ANKDD1A: variants seen among roughly 807,000 people sequenced by gnomAD.
The protein encoded by ANKDD1A is ankyrin repeat and death domain-containing protein 1A.
Under a neutral mutation model 63.5 loss-of-function variants are expected in ANKDD1A, and 59 were observed. The observed-to-expected ratio is 0.93, with a 90% CI of 0.75 to 1.15. The LOEUF (loss-of-function observed/expected upper bound fraction) is 1.15. Ranked by LOEUF, ANKDD1A falls within the 50% of genes most tolerant of loss-of-function variation. ANKDD1A has a pLI of 0.00. For missense variants in ANKDD1A, 632 were observed against 656.4 expected (o/e 0.96, Z 0.41); for synonymous variants, 266 against 263.9 (o/e 1.01, Z -0.08).
At chr15:64,941,355 A>G (rs1046899776) in intron 9 of ANKDD1A, among the ~76,000 whole-genome samples, 6 of 152,026 alleles carry the variant, frequency 3.9e-5, no homozygotes, top group African/African-American at 1.5e-4. Context: ...TAAAGAATGG[A>G]GATTTATTTA....
chr15:64,931,906 T>G (rs899027901), intron 8 of ANKDD1A: 17 of 492,414 alleles, frequency 3.5e-5, no homozygotes, highest in Non-Finnish European at 5.8e-5. Flanking sequence ...TTTGTTTTAA[T>G]TTTTTTGAGA....
intron 14 of ANKDD1A, among the ~76,000 whole-genome samples, chr15:64,954,907 TGTCTCTTCTCTCTCCTTCTTCTC>T (rs1595861893): frequency 3.3e-5 from 4 of 122,440 alleles, no homozygotes; most frequent in Admixed American, 2.7e-4. Context: ...CTTCTTCTCT[TGTCTCTTCTCTCTCCTTCTTCTC>T]CTTCTTCTTG....
At chr15:64,955,578 GGAAAATATATCTGT>G (rs149354514) in intron 14 of ANKDD1A, among the ~76,000 whole-genome samples, 6 of 152,276 alleles carry the variant, frequency 3.9e-5, no homozygotes, top group African/African-American at 1.4e-4. Flanking sequence ...CCCAGAATGT[GGAAAATATATCTGT>G]GCAGGATAGA....
At chr15:64,945,874 T>G (rs200757149) in intron 12 of ANKDD1A, among the ~76,000 whole-genome samples, 3 of 151,636 alleles carry the variant, frequency 2.0e-5, no homozygotes, top group East Asian at 3.9e-4. Flanking sequence ...CCTTGTGATC[T>G]GCCCACCTCA....
chr15:64,947,662 A>G, intron 13 of ANKDD1A, 69 bp downstream of exon 13: 2 of 1,536,878 alleles, frequency 1.3e-6, no homozygotes, highest in Non-Finnish European at 8.8e-7. Context: ...AAATGTGTTC[A>G]GTTTTCTGTG....
chr15:64,916,239 G>A (rs934553673), intron 2 of ANKDD1A, among the ~76,000 whole-genome samples: 1 of 152,130 alleles, frequency 6.6e-6, no homozygotes, highest in Non-Finnish European at 1.5e-5. Context: ...CAAAAGAGGA[G>A]GACAGACATC....
chr15:64,949,960 AGGGACCT>A lies in ANKDD1A; in HGVS notation c.1474_1480del (p.Asp492LeufsTer21), dbSNP rs756819693. 1.4e-5 allele frequency: 22 copies of A among 1,609,656 alleles called. No individual in the cohort carries two copies. The highest frequency in any genetic ancestry group is 1.0e-4 in the Admixed American group (6 of 59,992). Reference sequence around the variant, plus strand: ...CGAGGGCCTCGTGGCCATTGGCAGGAGGGACCTGGCTGGTAAGAGCGTACTCTGCTGG... The same window carrying A: ...CGAGGGCCTCGTGGCCATTGGCAGGAGGCTGGTAAGAGCGTACTCTGCTGG... On this transcript the variant is annotated frameshift_variant, in exon 14 of 15. Coordinates refer to ENST00000319580, the MANE Select transcript of ANKDD1A (RefSeq NM_182703.6). LOFTEE classifies it high-confidence loss of function.
chr15:64,923,884 G>C (rs2085026373), intron 4 of ANKDD1A, among the ~76,000 whole-genome samples: 1 of 152,212 alleles, frequency 6.6e-6, no homozygotes, highest in South Asian at 2.1e-4. Context: ...TCTAGAATGA[G>C]GGAGGCGGGG....
chr15:64,954,478 TTTC>T (rs1463675637), intron 14 of ANKDD1A, among the ~76,000 whole-genome samples: 21 of 149,022 alleles, frequency 1.4e-4, no homozygotes, highest in Non-Finnish European at 2.4e-4. Flanking sequence ...TCTTCCTCTT[TTTC>T]TTCTTCCTTC....
intron 11 of ANKDD1A, among the ~76,000 whole-genome samples, chr15:64,944,321 G>T (rs1236762202): frequency 1.3e-5 from 2 of 152,190 alleles, no homozygotes; most frequent in Non-Finnish European, 2.9e-5. Context: ...TCTGGGCTCT[G>T]ATTTCTTCAT....
At position 64,952,856 on chromosome 15, in the gene ANKDD1A, C is replaced by T. The variant is rs1276967041; in HGVS notation, c.1483+2884C>T. Among the ~76,000 whole-genome samples, 100 of 14,206 alleles carry T rather than the reference C, an allele frequency of 7.0e-3. 1 individual carries two copies. In the South Asian group the frequency reaches 0.13, roughly 18 times the overall value. 9.3% of individuals were successfully genotyped at this position (14,206 alleles called of 152,430 possible). A position where few individuals can be genotyped will look rare whatever the true frequency, so the allele number is the denominator to read the frequency against. ...TTCCTTTCTTCTCCTTGTCTCTTCTCCTTCTTCTTTTCTTCTCTTTCTTCT... is the reference window on the plus strand; with the variant it reads ...TTCCTTTCTTCTCCTTGTCTCTTCTTCTTCTTCTTTTCTTCTCTTTCTTCT... On this transcript the variant is annotated intron_variant, in intron 14 of 14. Coordinates refer to ENST00000319580, the MANE Select transcript of ANKDD1A (RefSeq NM_182703.6).
At chr15:64,951,113 T>C in intron 14 of ANKDD1A, 3 of 1,167,690 alleles carry the variant, frequency 2.6e-6, no homozygotes, top group Non-Finnish European at 2.2e-6. Flanking sequence ...AAAATCACTG[T>C]TAACAGACCT....
At chr15:64,950,727 C>CGGGGGGGGGGG in intron 14 of ANKDD1A, 6 of 425,012 alleles carry the variant, frequency 1.4e-5, no homozygotes, top group Non-Finnish European at 1.6e-5. Context: ...AAAGAAAGGA[C>CGGGGGGGGGGG]CGCCCCCCCC....
intron 10 of ANKDD1A, 107 bp downstream of exon 10, chr15:64,942,672 C>CTTTTTTT: frequency 4.2e-6 from 2 of 474,632 alleles, no homozygotes; most frequent in South Asian, 3.3e-5. Flanking sequence ...TGAGGAATCA[C>CTTTTTTT]TTTTTTTTTT....
chr15:64,936,231 A>G (rs988703159), intron 9 of ANKDD1A, among the ~76,000 whole-genome samples: 1 of 152,196 alleles, frequency 6.6e-6, no homozygotes. Flanking sequence ...TAGAAAAGCA[A>G]GGACTTTTTT....
intron 14 of ANKDD1A, among the ~76,000 whole-genome samples, chr15:64,952,343 T>TCTC: frequency 6.8e-6 from 1 of 146,322 alleles, no homozygotes; most frequent in Non-Finnish European, 1.5e-5. Context: ...TTCTCCTTCT[T>TCTC]CTTAGTTCTT....
chr15:64,951,736 TC>T (rs2085285275), intron 14 of ANKDD1A, among the ~76,000 whole-genome samples: 6 of 147,024 alleles, frequency 4.1e-5, no homozygotes, highest in South Asian at 2.1e-4. Flanking sequence ...TCTTCTTTCC[TC>T]CTTCTTCCTC....
chr15:64,928,881 T>A (rs572907368), intron 6 of ANKDD1A, among the ~76,000 whole-genome samples: 1 of 152,242 alleles, frequency 6.6e-6, no homozygotes. Context: ...TGTGTGCCAC[T>A]TGCAGCTTCA....
chr15:64,934,272 C>A, intron 9 of ANKDD1A, 38 bp downstream of exon 9: 3 of 1,572,104 alleles, frequency 1.9e-6, no homozygotes, highest in Non-Finnish European at 2.6e-6. Context: ...GTCTCCATTG[C>A]AAAGCCTTCC....
Sources: gnomAD v4.1 joint callset for allele counts (sites outside exome capture counted in the v4.1 genomes callset) on GRCh38, gnomAD v4.1.1 for gene constraint, MANE v1.5 for transcripts, NCBI Gene and HGNC (gene_info 2026-07-23, HGNC 2026-07-21) for gene names.